ADAMTS19: variants seen among roughly 807,000 people sequenced by gnomAD.
ADAMTS19 encodes the protein ADAM metallopeptidase with thrombospondin type 1 motif 19.
A neutral mutation model predicts 153.3 loss-of-function variants in ADAMTS19; 93 were observed. The observed-to-expected ratio is 0.61, with a 90% confidence interval of 0.51 to 0.72. The LOEUF (loss-of-function observed/expected upper bound fraction) is 0.72, where lower values mean the gene tolerates loss of function less well. ADAMTS19 is among the 30% of genes least tolerant of loss of function. ADAMTS19 has a pLI of 0.00. For missense variants in ADAMTS19, 1,482 were observed against 1,552.1 expected, an observed-to-expected ratio of 0.95 and a Z score of 0.76; for synonymous variants, 600 against 556.6, an observed-to-expected ratio of 1.08 and a Z score of -1.10.
At chr5:129,566,943 G>C (rs924275978) in intron 7 of ADAMTS19, among the ~76,000 whole-genome samples, 1 of 133,466 alleles carries the variant, frequency 7.5e-6, no homozygotes, top group Non-Finnish European at 1.6e-5. Flanking sequence ...ACACAGCAGA[G>C]AGGTAACTAA....
chr5:129,488,451 T>C (rs4836460), intron 2 of ADAMTS19, among the ~76,000 whole-genome samples: 65,355 of 151,932 alleles, frequency 0.43, 18,190 homozygotes, highest in African/African-American at 0.79. Flanking sequence ...TAATTTGGTT[T>C]TTTCAAATTG....
At chr5:129,700,003 G>A (rs943049018) in intron 19 of ADAMTS19, among the ~76,000 whole-genome samples, 2 of 152,042 alleles carry the variant, frequency 1.3e-5, no homozygotes, top group Non-Finnish European at 2.9e-5. Context: ...AAATAACCTC[G>A]GGGATTCTGA....
At chr5:129,651,694 A>AAT (rs1753323315) in intron 13 of ADAMTS19, among the ~76,000 whole-genome samples, 1 of 152,194 alleles carries the variant, frequency 6.6e-6, no homozygotes, top group South Asian at 2.1e-4. Flanking sequence ...CTGATCCTCC[A>AAT]AATTATGTGT....
At chr5:129,614,776 T>A (rs1032088343) in intron 8 of ADAMTS19, among the ~76,000 whole-genome samples, 3 of 152,058 alleles carry the variant, frequency 2.0e-5, no homozygotes, top group Admixed American at 1.3e-4. Context: ...TGATTGTATA[T>A]CTAGAAAACC....
At chr5:129,592,413 G>A (rs1396802549) in intron 7 of ADAMTS19, among the ~76,000 whole-genome samples, 1 of 150,228 alleles carries the variant, frequency 6.7e-6, no homozygotes, top group Non-Finnish European at 1.5e-5. Flanking sequence ...CTTTGAAAAG[G>A]GCCTCTATTG....
chr5:129,471,584 A>C (rs953545126), intron 2 of ADAMTS19, among the ~76,000 whole-genome samples: 10 of 152,162 alleles, frequency 6.6e-5, no homozygotes, highest in African/African-American at 2.4e-4. Context: ...TCAGGGGTAC[A>C]TGTGCAGGTT....
chr5:129,522,208 C>T (rs1275249944), intron 3 of ADAMTS19, among the ~76,000 whole-genome samples: 1 of 147,418 alleles, frequency 6.8e-6, no homozygotes, highest in Non-Finnish European at 1.5e-5. Context: ...TATATATATA[C>T]ACACACATAT....
chr5:129,512,385 C>T (rs1021478142), intron 3 of ADAMTS19, among the ~76,000 whole-genome samples: 17 of 152,046 alleles, frequency 1.1e-4, no homozygotes, highest in Non-Finnish European at 2.2e-4. Flanking sequence ...TCTTCTCTGA[C>T]TGGAAGTGTA....
chr5:129,669,735 C>T (rs916456682), intron 16 of ADAMTS19, among the ~76,000 whole-genome samples: 1 of 151,986 alleles, frequency 6.6e-6, no homozygotes, highest in East Asian at 1.9e-4. Flanking sequence ...CCTAGGAAAA[C>T]CTTTGCTGTG....
chr5:129,701,291 G>A, intron 19 of ADAMTS19, 97 bp from the exon 20 acceptor site: 1 of 1,407,738 alleles, frequency 7.1e-7, no homozygotes, highest in Non-Finnish European at 9.9e-7. Context: ...AAATTGCCCA[G>A]TCTTGGGTAT....
At chr5:129,684,423 G>A (rs1754973214) in intron 18 of ADAMTS19, 150 bp downstream of exon 18, 3 of 961,036 alleles carry the variant, frequency 3.1e-6, no homozygotes, top group Admixed American at 2.9e-5. Flanking sequence ...ATGTTTAGTG[G>A]CTAAACACCT....
chr5:129,658,351 A>AAGAGAGAGAGAGAGAGAGAGAGAGAG (rs1212857566), intron 14 of ADAMTS19, among the ~76,000 whole-genome samples: 158 of 132,946 alleles, frequency 1.2e-3, no homozygotes, highest in Non-Finnish European at 1.8e-3. Flanking sequence ...GAAAGAAAGA[A>AAGAGAGAGAGAGAGAGAGAGAGAGAG]AGAAAGAAAG....
intron 8 of ADAMTS19, among the ~76,000 whole-genome samples, chr5:129,602,053 C>T (rs184700490): frequency 4.0e-5 from 6 of 149,582 alleles, no homozygotes; most frequent in African/African-American, 9.7e-5. Flanking sequence ...GATTTTAGAC[C>T]ACTCAAACTT....
At chr5:129,635,799 A>G (rs1157656082) in intron 10 of ADAMTS19, among the ~76,000 whole-genome samples, 2 of 152,172 alleles carry the variant, frequency 1.3e-5, no homozygotes, top group African/African-American at 4.8e-5. Context: ...TAGGCTTACT[A>G]CCTAGGTGAT....
At chr5:129,519,004 A>T (rs1348440805) in intron 3 of ADAMTS19, among the ~76,000 whole-genome samples, 3 of 152,078 alleles carry the variant, frequency 2.0e-5, no homozygotes, top group African/African-American at 7.2e-5. Flanking sequence ...CAATATGCTA[A>T]TTGCATTTTT....
chr5:129,683,922 A>T (rs901599720), intron 17 of ADAMTS19, among the ~76,000 whole-genome samples, 198 bp from the exon 18 acceptor site: 3 of 151,216 alleles, frequency 2.0e-5, no homozygotes, highest in African/African-American at 7.3e-5. Context: ...TTTCAAAAGC[A>T]TGGCAATATC....
chr5:129,536,318 T>C (rs1469990853), intron 6 of ADAMTS19, among the ~76,000 whole-genome samples: 18 of 152,228 alleles, frequency 1.2e-4, no homozygotes, highest in Admixed American at 1.2e-3. Context: ...AAAATGCTCA[T>C]CATCACTGGC....
intron 7 of ADAMTS19, among the ~76,000 whole-genome samples, chr5:129,557,673 T>C (rs914232333): frequency 6.6e-5 from 10 of 152,116 alleles, no homozygotes; most frequent in African/African-American, 2.4e-4. Context: ...ATTTTTGTAG[T>C]TGATTTCTAT....
chr5:129,634,605 G>A (rs1234288687), intron 10 of ADAMTS19, among the ~76,000 whole-genome samples: 2 of 151,978 alleles, frequency 1.3e-5, no homozygotes, highest in African/African-American at 2.4e-5. Context: ...GAACAGAAGG[G>A]AAAACCCAGA....
Sources: allele counts gnomAD v4.1 joint callset (sites outside exome capture counted in the v4.1 genomes callset), GRCh38; gene constraint gnomAD v4.1.1; transcripts MANE v1.5; gene names NCBI Gene and HGNC (gene_info 2026-07-23, HGNC 2026-07-21).